MAGI2: variants seen among roughly 807,000 people sequenced by gnomAD.
The protein encoded by MAGI2 is membrane-associated guanylate kinase, WW and PDZ domain-containing protein 2.
In MAGI2, 35 loss-of-function variants were observed where a neutral mutation model predicts 133.3. That is an observed-to-expected ratio of 0.26 (90% CI 0.20 to 0.35). The LOEUF (loss-of-function observed/expected upper bound fraction) is 0.35. Among genes scored for constraint, MAGI2 ranks in the 10% least tolerant of loss-of-function variants. The pLI is 1.00. For synonymous variants in MAGI2, 729 were observed against 710.6 expected (o/e 1.03, Z -0.41); for missense variants, 1,636 against 1,863.4 (o/e 0.88, Z 2.25).
At chr7:78,284,206 T>TAAAA (rs1284160630) in intron 9 of MAGI2, among the ~76,000 whole-genome samples, 1 of 152,124 alleles carries the variant, frequency 6.6e-6, no homozygotes, top group Non-Finnish European at 1.5e-5. Flanking sequence ...TGAAATGGCT[T>TAAAA]AAACCTTCCC....
chr7:78,319,293 CAAAAACAAACA>C (rs145021224), intron 9 of MAGI2, among the ~76,000 whole-genome samples: 33,909 of 151,752 alleles, frequency 0.22, 5,013 homozygotes, highest in African/African-American at 0.4. Context: ...AAATGGAAAG[CAAAAACAAACA>C]AAAAACAAAC....
At chr7:78,033,946 C>T (rs949206852) in intron 21 of MAGI2, among the ~76,000 whole-genome samples, 4 of 152,192 alleles carry the variant, frequency 2.6e-5, no homozygotes, top group Non-Finnish European at 5.9e-5. Context: ...GAGTGATGCT[C>T]AATCCCTCCG....
chr7:78,405,485 A>C (rs774547326), intron 6 of MAGI2, among the ~76,000 whole-genome samples: 1 of 152,120 alleles, frequency 6.6e-6, no homozygotes, highest in Non-Finnish European at 1.5e-5. Context: ...AAAATATACA[A>C]GGTAATTCTA....
In MAGI2 at chr7:78,112,596, T is replaced by G. The variant is rs143370989; in HGVS notation, c.3567+13098A>C. The stretch of plus-strand genomic sequence containing the variant: ...GGTTCATCAGGTATCTTTGTGGCCA[T>G]GGACTTGAAAAGCACAGCTAGTGAA... On this transcript the variant is annotated intron_variant, in intron 20 of 21. Transcript: ENST00000354212. Among the ~76,000 whole-genome samples the G allele has an allele frequency of 4.6e-5, 7 of 152,364 alleles. No homozygotes were observed. In the East Asian group the frequency reaches 1.3e-3, roughly 29 times the overall value.
intron 10 of MAGI2, among the ~76,000 whole-genome samples, chr7:78,238,530 G>A (rs967695654): frequency 1.5e-5 from 2 of 134,696 alleles, no homozygotes; most frequent in African/African-American, 2.5e-5. Flanking sequence ...ACGAGAACCT[G>A]TCTCAAAAAA....
At position 78,109,769 on chromosome 7, in the gene MAGI2, G is replaced by C. The variant is rs374072616; in HGVS notation, c.3567+15925C>G. Among the ~76,000 whole-genome samples the C allele has an allele frequency of 3.3e-5, 5 of 152,182 alleles. No individual in the cohort carries two copies. The East Asian group carries it at 9.6e-4, about 29-fold the overall frequency. On this transcript the variant is annotated intron_variant, in intron 20 of 21. Transcript: ENST00000354212. ...TAGAAATACAATTTTGGTAGTTGTA[G>C]GAAGCATGAATAGGAGAAATTTGAG...
At chr7:78,463,929 C>T (rs1295103708) in intron 6 of MAGI2, among the ~76,000 whole-genome samples, 1 of 151,950 alleles carries the variant, frequency 6.6e-6, no homozygotes, top group African/African-American at 2.4e-5. Context: ...GGAGGGCAGG[C>T]AGGCAGGTAG....
At chr7:78,050,044 T>C (rs1165695834) in intron 21 of MAGI2, among the ~76,000 whole-genome samples, 1 of 152,212 alleles carries the variant, frequency 6.6e-6, no homozygotes, top group Admixed American at 6.5e-5. Context: ...TTGGGACTGA[T>C]AATGAGAGCT....
chr7:79,182,558 G>A (rs1388351472), intron 1 of MAGI2, among the ~76,000 whole-genome samples: 1 of 151,870 alleles, frequency 6.6e-6, no homozygotes, highest in Non-Finnish European at 1.5e-5. Flanking sequence ...GAGCATGACA[G>A]AAAATTGGAC....
At chr7:78,330,370 C>A (rs4363137) in intron 9 of MAGI2, among the ~76,000 whole-genome samples, 30,213 of 103,664 alleles carry the variant, frequency 0.29, 11,358 homozygotes, top group East Asian at 0.72. Context: ...GTAATCCCAG[C>A]ACTTTGGGAG....
At chr7:78,626,486 A>AT (rs1222492629) in intron 3 of MAGI2, among the ~76,000 whole-genome samples, 3 of 152,074 alleles carry the variant, frequency 2.0e-5, no homozygotes, top group Non-Finnish European at 4.4e-5. Flanking sequence ...TGAAACAGAG[A>AT]TTTTGGCTTA....
chr7:79,197,066 C>G (rs748094958), intron 1 of MAGI2, among the ~76,000 whole-genome samples: 2 of 151,860 alleles, frequency 1.3e-5, no homozygotes, highest in Non-Finnish European at 2.9e-5. Context: ...CAGGTGTGAG[C>G]CACTGCACCT....
At chr7:79,175,869 A>G (rs1826048565) in intron 1 of MAGI2, among the ~76,000 whole-genome samples, 1 of 152,040 alleles carries the variant, frequency 6.6e-6, no homozygotes, top group Non-Finnish European at 1.5e-5. Flanking sequence ...CATGCAGCAC[A>G]TGACTGTACA....
chr7:78,426,421 A>G (rs1195363564), intron 6 of MAGI2, among the ~76,000 whole-genome samples: 4 of 152,080 alleles, frequency 2.6e-5, no homozygotes, highest in Non-Finnish European at 4.4e-5. Flanking sequence ...ACACATGGAC[A>G]CAGGAAGGGG....
chr7:78,495,169 T>C (rs57416521), intron 5 of MAGI2, among the ~76,000 whole-genome samples: 2 of 152,120 alleles, frequency 1.3e-5, no homozygotes, highest in African/African-American at 4.8e-5. Context: ...ACGTGCAGGT[T>C]TGTTGCATAG....
chr7:78,064,824 T>G (rs1303164838), intron 21 of MAGI2, among the ~76,000 whole-genome samples: 1 of 152,214 alleles, frequency 6.6e-6, no homozygotes, highest in African/African-American at 2.4e-5. Context: ...GAACCATGGT[T>G]GCAAGGCTAT....
chr7:78,691,331 T>C (rs1294883781), intron 2 of MAGI2, among the ~76,000 whole-genome samples: 1 of 152,212 alleles, frequency 6.6e-6, no homozygotes, highest in African/African-American at 2.4e-5. Context: ...GAACCATGTG[T>C]GGCTTGATTC....
At chr7:78,584,979 G>A (rs1490495686) in intron 3 of MAGI2, among the ~76,000 whole-genome samples, 1 of 152,176 alleles carries the variant, frequency 6.6e-6, no homozygotes, top group Non-Finnish European at 1.5e-5. Context: ...GGCCTAATCT[G>A]TGCCTGCTAC....
At chr7:78,424,331 C>T (rs1268581258) in intron 6 of MAGI2, among the ~76,000 whole-genome samples, 3 of 152,182 alleles carry the variant, frequency 2.0e-5, no homozygotes, top group African/African-American at 7.2e-5. Context: ...GGAACCTCTG[C>T]TGCCTATATT....
Sources: allele counts gnomAD v4.1 joint callset (sites outside exome capture counted in the v4.1 genomes callset), GRCh38; gene constraint gnomAD v4.1.1; transcripts MANE v1.5; gene names NCBI Gene and HGNC (gene_info 2026-07-23, HGNC 2026-07-21).